The following VWA8 variants were observed in gnomAD, a reference collection of about 807,000 sequenced individuals.
VWA8 encodes von Willebrand factor A domain containing 8, also known as von Willebrand factor A domain-containing protein 8.
A neutral mutation model predicts 241.5 loss-of-function variants in VWA8; 221 were observed. That is an observed-to-expected ratio of 0.91 (90% CI 0.82 to 1.02). The LOEUF is 1.02. Ranked by LOEUF, VWA8 falls within the 50% of genes least tolerant of loss-of-function variation. VWA8 has a pLI of 0.00. For missense variants in VWA8, 2,322 were observed against 2,328.7 expected, an observed-to-expected ratio of 1.00 and a Z score of 0.06; for synonymous variants, 852 against 827.1, an observed-to-expected ratio of 1.03 and a Z score of -0.52.
intron 21 of VWA8, among the ~76,000 whole-genome samples, chr13:41,738,913 C>A (rs2045545811): frequency 6.6e-6 from 1 of 152,110 alleles, no homozygotes; most frequent in African/African-American, 2.4e-5. Flanking sequence ...AACACTGTAT[C>A]CACTGCATAA....
intron 37 of VWA8, among the ~76,000 whole-genome samples, chr13:41,625,588 G>A (rs1361204742): frequency 6.6e-6 from 1 of 152,204 alleles, no homozygotes; most frequent in East Asian, 1.9e-4. Flanking sequence ...AACAACAGGT[G>A]CGGGAGAGGA....
At chr13:41,603,576 G>C (rs2044535418) in intron 40 of VWA8, among the ~76,000 whole-genome samples, 1 of 152,100 alleles carries the variant, frequency 6.6e-6, no homozygotes, top group South Asian at 2.1e-4. Context: ...AATCCTCTAA[G>C]GGTCTCTTTC....
At chr13:41,856,637 A>G (rs1311800249) in intron 12 of VWA8, among the ~76,000 whole-genome samples, 3 of 152,158 alleles carry the variant, frequency 2.0e-5, no homozygotes, top group Admixed American at 6.5e-5. Flanking sequence ...CCTGAGCAAC[A>G]TGGCAAAACC....
intron 20 of VWA8, among the ~76,000 whole-genome samples, chr13:41,768,339 C>T (rs1202791833): frequency 6.6e-6 from 1 of 152,184 alleles, no homozygotes; most frequent in African/African-American, 2.4e-5. Flanking sequence ...TATTAATTAG[C>T]AAAATTCATA....
intron 21 of VWA8, among the ~76,000 whole-genome samples, chr13:41,756,445 A>ATT (rs1418484647): frequency 2.0e-5 from 3 of 151,794 alleles, no homozygotes; most frequent in Non-Finnish European, 4.4e-5. Context: ...AGGAATGGAG[A>ATT]AACTGCCCTC....
chr13:41,592,868 A>G (rs1229382876), intron 40 of VWA8, among the ~76,000 whole-genome samples: 1 of 152,226 alleles, frequency 6.6e-6, no homozygotes, highest in African/African-American at 2.4e-5. Flanking sequence ...TGAAGATAAC[A>G]CTAGTCTCTA....
At chr13:41,596,999 T>C (rs1169941075) in intron 40 of VWA8, among the ~76,000 whole-genome samples, 4 of 152,090 alleles carry the variant, frequency 2.6e-5, no homozygotes, top group Non-Finnish European at 5.9e-5. Flanking sequence ...CTACAAACTC[T>C]ATAATCAAGC....
At chr13:41,699,740 A>C (rs1163059152) in intron 28 of VWA8, among the ~76,000 whole-genome samples, 1 of 151,284 alleles carries the variant, frequency 6.6e-6, no homozygotes, top group East Asian at 1.9e-4. Flanking sequence ...AATTCCATTT[A>C]AAAAATCTTA....
intron 44 of VWA8, 189 bp from the exon 45 acceptor site, chr13:41,568,494 A>G: frequency 2.1e-6 from 1 of 481,962 alleles, no homozygotes; most frequent in Non-Finnish European, 3.7e-6. Context: ...AGCAACAAGG[A>G]AAGACACAGC....
At chr13:41,926,700 A>C (rs1593875557) in intron 2 of VWA8, 1 of 537,244 alleles carries the variant, frequency 1.9e-6, no homozygotes, top group South Asian at 1.4e-5. Flanking sequence ...GTCAGCTACC[A>C]CCCAGATGGC....
chr13:41,629,883 T>C (rs1358309297), intron 37 of VWA8, among the ~76,000 whole-genome samples: 2 of 152,228 alleles, frequency 1.3e-5, no homozygotes, highest in African/African-American at 4.8e-5. Context: ...TGCCTTCAAA[T>C]ACTCAATGAC....
intron 2 of VWA8, among the ~76,000 whole-genome samples, chr13:41,933,621 T>A (rs1483759264): frequency 6.6e-6 from 1 of 151,832 alleles, no homozygotes; most frequent in African/African-American, 2.4e-5. Flanking sequence ...GAAAAATAGA[T>A]CAATGGAACA....
At chr13:41,668,167 G>C (rs1276405761) in intron 37 of VWA8, among the ~76,000 whole-genome samples, 1 of 152,162 alleles carries the variant, frequency 6.6e-6, no homozygotes, top group Admixed American at 6.5e-5. Context: ...AGAGGAATCA[G>C]GAGGCATGGG....
At position 41,619,711 on chromosome 13, in the gene VWA8, G is replaced by A. The variant is rs543861687; in HGVS notation, c.4612-4627C>T. The stretch of plus-strand genomic sequence containing the variant: ...TTGAATTTTGTCGAAGGCCTTTTCT[G>A]CATCTATTGAGATAATCATGTGATT... On this transcript the variant is annotated intron_variant, in intron 37 of 44. Coordinates refer to ENST00000379310, the MANE Select transcript of VWA8 (RefSeq NM_015058.2). Among the ~76,000 whole-genome samples, 3 of 152,242 alleles carry A rather than the reference G, an allele frequency of 2.0e-5. No homozygotes were observed. The East Asian group carries it at 5.8e-4, about 29-fold the overall frequency.
chr13:41,870,680 T>C (rs1489113620), intron 9 of VWA8, among the ~76,000 whole-genome samples: 1 of 151,056 alleles, frequency 6.6e-6, no homozygotes, highest in Admixed American at 6.6e-5. Context: ...GAAGATTCAT[T>C]AAATTCTAGG....
At chr13:41,728,423 A>C (rs1026926023) in intron 23 of VWA8, among the ~76,000 whole-genome samples, 1 of 152,040 alleles carries the variant, frequency 6.6e-6, no homozygotes, top group Admixed American at 6.5e-5. Context: ...CTTGTTCAAA[A>C]TGTCAGCTAC....
intron 16 of VWA8, among the ~76,000 whole-genome samples, chr13:41,811,856 T>C (rs1870487118): frequency 2.0e-5 from 3 of 152,190 alleles, no homozygotes; most frequent in South Asian, 4.1e-4. Context: ...CCCTATGCTG[T>C]CAGAATACTT....
At chr13:41,871,520 T>A (rs1873613622) in intron 9 of VWA8, among the ~76,000 whole-genome samples, 1 of 152,192 alleles carries the variant, frequency 6.6e-6, no homozygotes, top group African/African-American at 2.4e-5. Context: ...GTGTTCTCAT[T>A]GTTCCATTCC....
intron 20 of VWA8, among the ~76,000 whole-genome samples, chr13:41,773,790 T>C (rs975305819): frequency 1.3e-5 from 2 of 152,232 alleles, no homozygotes; most frequent in Non-Finnish European, 2.9e-5. Flanking sequence ...GGCAAAGTTA[T>C]GTATGATTTA....
Sources: gnomAD v4.1 joint callset for allele counts (sites outside exome capture counted in the v4.1 genomes callset) on GRCh38, gnomAD v4.1.1 for gene constraint, MANE v1.5 for transcripts, NCBI Gene and HGNC (gene_info 2026-07-23, HGNC 2026-07-21) for gene names.